THNSL1: variants seen among roughly 807,000 people sequenced by gnomAD.
THNSL1 encodes threonine synthase-like 1.
THNSL1 carries 48 observed loss-of-function variants against 50.4 expected under a neutral mutation model. The observed-to-expected ratio is 0.95, with a 90% CI of 0.76 to 1.21. The LOEUF (loss-of-function observed/expected upper bound fraction) is 1.21, where lower values mean the gene tolerates loss of function less well. Among genes scored for constraint, THNSL1 ranks in the 50% most tolerant of loss-of-function variants. THNSL1 has a pLI of 0.00. For missense variants in THNSL1, 896 were observed against 871.7 expected (o/e 1.03, Z -0.35); for synonymous variants, 309 against 306.1 (o/e 1.01, Z -0.10).
chr10:25,001,116 T>C, the THNSL1 span, among the ~76,000 whole-genome samples: 3 of 152,056 alleles, frequency 2.0e-5, no homozygotes, highest in East Asian at 3.8e-4. Context: ...GAAAAAATCT[T>C]GAATATTTAC....
chr10:24,961,278 A>T, the THNSL1 span, among the ~76,000 whole-genome samples: 3 of 152,208 alleles, frequency 2.0e-5, no homozygotes, highest in African/African-American at 7.2e-5. Flanking sequence ...TTTCCATAGT[A>T]TAATAAACTC....
upstream of THNSL1, among the ~76,000 whole-genome samples, chr10:25,015,588 A>T (rs118111679): frequency 0.03 from 4,593 of 152,274 alleles, 93 homozygotes; most frequent in Non-Finnish European, 0.045. Flanking sequence ...TAATTAAATT[A>T]CACAATAATC....
the THNSL1 span, among the ~76,000 whole-genome samples, chr10:24,978,222 C>T: frequency 4.0e-5 from 6 of 151,572 alleles, 1 homozygote; most frequent in Admixed American, 2.6e-4. Flanking sequence ...TGTAGAAAGA[C>T]AAAAAAATGC....
the THNSL1 span, chr10:24,984,368 TATC>T: frequency 1.3e-6 from 2 of 1,581,320 alleles, no homozygotes; most frequent in Non-Finnish European, 1.7e-6. Flanking sequence ...GTGCTGTTGG[TATC>T]ATGCGCTGCA....
chr10:24,955,418 G>A, the THNSL1 span, among the ~76,000 whole-genome samples: 4 of 152,240 alleles, frequency 2.6e-5, no homozygotes, highest in East Asian at 7.7e-4. Flanking sequence ...TAGCCAATGA[G>A]TCTAAGCCAA....
the THNSL1 span, among the ~76,000 whole-genome samples, chr10:24,953,818 C>A: frequency 1.3e-5 from 2 of 152,158 alleles, no homozygotes; most frequent in Non-Finnish European, 2.9e-5. Context: ...CGGTTAATGA[C>A]GTTCTAGGTT....
chr10:25,007,624 C>G, the THNSL1 span, among the ~76,000 whole-genome samples: 12 of 152,136 alleles, frequency 7.9e-5, no homozygotes, highest in Non-Finnish European at 1.5e-4. Context: ...TTAGTAGAGA[C>G]GGGGTTTCAC....
the THNSL1 span, among the ~76,000 whole-genome samples, chr10:24,970,399 A>C: frequency 6.6e-6 from 1 of 152,218 alleles, no homozygotes; most frequent in African/African-American, 2.4e-5. Context: ...TGTAGACAGA[A>C]TCCTTCCTTT....
the THNSL1 span, among the ~76,000 whole-genome samples, chr10:24,977,083 G>T: frequency 6.6e-6 from 1 of 152,078 alleles, no homozygotes; most frequent in Admixed American, 6.6e-5. Context: ...CAATATTGAT[G>T]GTGTGTGGTT....
the THNSL1 span, among the ~76,000 whole-genome samples, chr10:24,993,185 G>GA: frequency 6.3e-4 from 95 of 151,940 alleles, no homozygotes; most frequent in Non-Finnish European, 1.1e-3. Flanking sequence ...ATACAGTTCA[G>GA]AAAAAAAACT....
chr10:25,018,846 AAT>A (rs1458037139), intron 1 of THNSL1, among the ~76,000 whole-genome samples: 1 of 152,180 alleles, frequency 6.6e-6, no homozygotes, highest in East Asian at 1.9e-4. Flanking sequence ...GATCGTTAAG[AAT>A]ATGTCTAACA....
rs1313079544 is a variant in THNSL1, at chr10:25,024,741, T to A, written c.1518T>A (p.Ile506=). 1 of 1,614,174 alleles carries A rather than the reference T, an allele frequency of 6.2e-7. No homozygotes were observed. The highest frequency in any genetic ancestry group is 2.2e-5 in the East Asian group (1 of 44,878). The change falls in exon 3 of 3, where the codon ATT becomes ATA. Residue 506 remains isoleucine (I), a synonymous_variant. Transcript: ENST00000376356. ...ISFGSPVDVC[I]PTGNFGNILA... ...TTGGAAGCCCAGTCGATGTCTGTAT[T>A]CCCACAGGAAACTTTGGTAACATTT...
chr10:24,994,866 C>T, the THNSL1 span, among the ~76,000 whole-genome samples: 1 of 151,536 alleles, frequency 6.6e-6, no homozygotes, highest in East Asian at 1.9e-4. Flanking sequence ...ACTAAATATA[C>T]AAAAAAATAA....
At chr10:25,005,815 T>C in the THNSL1 span, among the ~76,000 whole-genome samples, 1 of 152,226 alleles carries the variant, frequency 6.6e-6, no homozygotes, top group African/African-American at 2.4e-5. Flanking sequence ...TTGAGTATAA[T>C]GATGATCTTA....
At chr10:25,016,257 A>G, upstream of THNSL1, 5 of 903,160 alleles carry the variant, frequency 5.5e-6, no homozygotes, top group Non-Finnish European at 6.8e-6. Context: ...GCCTTCTGCT[A>G]GAGAAGCTCA....
chr10:24,952,397 C>T, the THNSL1 span: 11 of 1,091,832 alleles, frequency 1.0e-5, no homozygotes, highest in East Asian at 1.6e-4. The surrounding 1 kb of genome is among the most constrained non-coding windows in gnomAD (Gnocchi z 5.1). Flanking sequence ...TGGAAGCGAT[C>T]CCCGCCGGGA....
chr10:24,958,675 C>T, the THNSL1 span, among the ~76,000 whole-genome samples: 6 of 152,326 alleles, frequency 3.9e-5, no homozygotes, highest in Admixed American at 2.0e-4. Flanking sequence ...GCCAAGGCTA[C>T]ACTCAATTGT....
chr10:24,975,664 A>C, the THNSL1 span, among the ~76,000 whole-genome samples: 4 of 152,102 alleles, frequency 2.6e-5, no homozygotes, highest in African/African-American at 9.7e-5. Context: ...ACCTGCCACC[A>C]TGTAAGATGT....
Position 25,024,163 on chromosome 10 carries a change from A to G in THNSL1, c.940A>G (p.Ile314Val), listed in dbSNP as rs1850789544. 1 of 1,614,080 alleles carries G rather than the reference A, an allele frequency of 6.2e-7. No homozygotes were observed. Among genetic ancestry groups the G allele is most frequent in the Non-Finnish European group, 8.5e-7 (1 of 1,180,036 alleles). ...DIPAARLGEM[I>V]ETAYGENFAC... ...ACCTGCTGCCAGGTTGGGAGAAATG[A>G]TTGAAACTGCTTATGGGGAAAACTT... The change falls in exon 3 of 3, where the codon ATT becomes GTT. Residue 314 changes from isoleucine to valine, a missense_variant. Coordinates refer to ENST00000376356, the MANE Select transcript of THNSL1 (RefSeq NM_024838.5).
Sources: gnomAD v4.1 joint callset for allele counts (sites outside exome capture counted in the v4.1 genomes callset) on GRCh38, gnomAD v4.1.1 for gene constraint, Gnocchi (gnomAD v3.1) non-coding constraint, MANE v1.5 for transcripts, NCBI Gene and HGNC (gene_info 2026-07-23, HGNC 2026-07-21) for gene names.